The following DLG2 variants were observed in gnomAD, a reference collection of about 807,000 sequenced individuals.
The protein encoded by DLG2 is disks large homolog 2.
In DLG2, 45 loss-of-function variants were observed where a neutral mutation model predicts 132.5. The ratio of observed to expected loss-of-function variants is 0.34; its 90% CI spans 0.27 to 0.44. The LOEUF (loss-of-function observed/expected upper bound fraction) is 0.44. DLG2 is among the 20% of genes least tolerant of loss of function. The pLI, the probability that DLG2 is intolerant of heterozygous loss-of-function variation, is 1.00. For synonymous variants in DLG2, 424 were observed against 419.6 expected (o/e 1.01, Z -0.13); for missense variants, 1,045 against 1,196.9 (o/e 0.87, Z 1.87).
intron 15 of DLG2, among the ~76,000 whole-genome samples, chr11:83,892,417 G>T (rs917949657): frequency 6.6e-6 from 1 of 152,098 alleles, no homozygotes; most frequent in East Asian, 1.9e-4. Flanking sequence ...ATAGCCATTA[G>T]ATTACCAATA....
chr11:84,309,812 C>G (rs925334915), intron 7 of DLG2, among the ~76,000 whole-genome samples: 2 of 152,292 alleles, frequency 1.3e-5, no homozygotes, highest in East Asian at 3.9e-4. Context: ...TGAGATGATG[C>G]TCTTGTACTA....
intron 6 of DLG2, among the ~76,000 whole-genome samples, chr11:84,820,043 T>C (rs1453646674): frequency 1.4e-5 from 2 of 147,338 alleles, no homozygotes; most frequent in Non-Finnish European, 3.0e-5. Flanking sequence ...TCATACTAGA[T>C]GTAGGGCCTC....
rs141956900 is a variant in DLG2, at chr11:85,028,069, G to C, written c.357+83592C>G. Among the ~76,000 whole-genome samples, 295 of 152,292 alleles carry C rather than the reference G, an allele frequency of 1.9e-3. 1 individual carries two copies. The highest frequency in any genetic ancestry group is 2.4e-3 in the Non-Finnish European group (162 of 68,030). Reference sequence around the variant, plus strand: ...ATCAAGAGGCAGAAGAGCCGAAGTGGGTAGCTCCTTTCTGCAGGCAGGTTG... The same window carrying C: ...ATCAAGAGGCAGAAGAGCCGAAGTGCGTAGCTCCTTTCTGCAGGCAGGTTG... On this transcript the variant is annotated intron_variant, in intron 6 of 27. Coordinates refer to ENST00000376104, the MANE Select transcript of DLG2 (RefSeq NM_001142699.3).
In DLG2 at chr11:85,044,095, A is replaced by G. The variant is rs190515562; in HGVS notation, c.357+67566T>C. The stretch of plus-strand genomic sequence containing the variant: ...TCTGGACCTCCATGCACATGCTGTT[A>G]CTTTGCCCCATTCATCTTGTTTCAC... On this transcript the variant is annotated intron_variant, in intron 6 of 27. Coordinates refer to ENST00000376104, the MANE Select transcript of DLG2 (RefSeq NM_001142699.3). 1.1e-3 allele frequency among the ~76,000 whole-genome samples: 162 copies of G among 152,028 alleles called. 1 individual carries two copies. Among genetic ancestry groups the G allele is most frequent in the African/African-American group, 3.8e-3 (157 of 41,498 alleles).
chr11:84,045,913 G>A lies in DLG2; in HGVS notation c.919+13402C>T, dbSNP rs77622290. Among the ~76,000 whole-genome samples the A allele has an allele frequency of 1.4e-3, 213 of 151,580 alleles. 3 individuals carry two copies. The East Asian group carries it at 0.037, about 26-fold the overall frequency. On this transcript the variant is annotated intron_variant, in intron 11 of 27. Coordinates refer to ENST00000376104, the MANE Select transcript of DLG2 (RefSeq NM_001142699.3). ...TTGTGAAGAGTTGTCCGCTGTAGCC[G>A]TAGAAAGCAAAAACAAGATTAATGG...
At chr11:83,644,157 C>T (rs964196547) in intron 18 of DLG2, among the ~76,000 whole-genome samples, 1 of 152,220 alleles carries the variant, frequency 6.6e-6, no homozygotes, top group South Asian at 2.1e-4. Flanking sequence ...TCTTTTGCAG[C>T]ACTCAGCATA....
intron 7 of DLG2, among the ~76,000 whole-genome samples, chr11:84,433,912 T>C (rs1336361468): frequency 1.6e-4 from 25 of 151,722 alleles, no homozygotes; most frequent in Admixed American, 1.1e-3. Context: ...AGCTCAGGAG[T>C]TCGAGACCAC....
intron 3 of DLG2, among the ~76,000 whole-genome samples, chr11:85,369,013 T>A (rs1486276614): frequency 6.6e-6 from 1 of 152,186 alleles, no homozygotes; most frequent in African/African-American, 2.4e-5. Flanking sequence ...TCCTGCAACA[T>A]TTTTGGCACC....
chr11:84,775,413 C>A (rs1354735649), intron 6 of DLG2, among the ~76,000 whole-genome samples: 1 of 152,090 alleles, frequency 6.6e-6, no homozygotes, highest in African/African-American at 2.4e-5. Flanking sequence ...ACCCAGCAGT[C>A]GCATTAGTGG....
Position 85,203,864 on chromosome 11 carries a change from T to C in DLG2, c.187-49213A>G, listed in dbSNP as rs187930732. Among the ~76,000 whole-genome samples, 163 of 152,218 alleles carry C rather than the reference T, an allele frequency of 1.1e-3. 1 individual carries two copies. The highest frequency in any genetic ancestry group is 3.8e-3 in the African/African-American group (157 of 41,570). On this transcript the variant is annotated intron_variant, in intron 4 of 27. Transcript: ENST00000376104. ...AATCAAGTGGGATTTAGTCCAGGGA[T>C]GCACAGATGGTTCAACCTACAAAAA...
intron 3 of DLG2, among the ~76,000 whole-genome samples, chr11:85,550,453 C>T (rs2076598398): frequency 2.0e-5 from 3 of 152,224 alleles, no homozygotes; most frequent in Admixed American, 2.0e-4. Flanking sequence ...CTGCGTGCTC[C>T]CTCCTGCAAG....
chr11:84,633,611 A>AT (rs1038001412), intron 6 of DLG2, among the ~76,000 whole-genome samples: 13 of 146,142 alleles, frequency 8.9e-5, no homozygotes, highest in Non-Finnish European at 1.8e-4. Context: ...TATTATGACT[A>AT]TTTAAAAAAA....
chr11:84,163,045 G>T (rs1162152911), intron 9 of DLG2, among the ~76,000 whole-genome samples: 1 of 152,052 alleles, frequency 6.6e-6, no homozygotes, highest in African/African-American at 2.4e-5. Context: ...GTTTTAAAAT[G>T]CACCACTTGT....
intron 8 of DLG2, among the ~76,000 whole-genome samples, chr11:84,186,806 T>G (rs575953752): frequency 6.6e-5 from 10 of 152,198 alleles, no homozygotes; most frequent in African/African-American, 2.2e-4. Context: ...ACTAGTAGTA[T>G]GTTAAACATT....
chr11:84,049,780 G>A (rs1945804), intron 11 of DLG2, among the ~76,000 whole-genome samples: 132,420 of 151,786 alleles, frequency 0.87, 58,019 homozygotes, highest in Middle Eastern at 0.93. Flanking sequence ...AGAATGAACA[G>A]AAAAGGAAGA....
At chr11:83,914,475 T>C (rs1045846073) in intron 15 of DLG2, among the ~76,000 whole-genome samples, 12 of 152,330 alleles carry the variant, frequency 7.9e-5, no homozygotes, top group African/African-American at 2.9e-4. Flanking sequence ...GATGTTTTTC[T>C]AGATTCCTCC....
At chr11:83,912,646 A>G (rs931685142) in intron 15 of DLG2, among the ~76,000 whole-genome samples, 1 of 152,184 alleles carries the variant, frequency 6.6e-6, no homozygotes, top group Non-Finnish European at 1.5e-5. Context: ...AAATATTTTT[A>G]ACACCAAAAT....
At chr11:85,541,065 T>C (rs1169324043) in intron 3 of DLG2, among the ~76,000 whole-genome samples, 1 of 152,226 alleles carries the variant, frequency 6.6e-6, no homozygotes, top group Non-Finnish European at 1.5e-5. Flanking sequence ...CTCAAATAAA[T>C]TCTTTAGTAT....
At position 83,562,976 on chromosome 11, in the gene DLG2, T is replaced by C. The variant is rs1243378641; in HGVS notation, c.1941-21118A>G. Among the ~76,000 whole-genome samples, 3 of 139,618 alleles carry C rather than the reference T, an allele frequency of 2.1e-5. No homozygotes were observed. In the South Asian group the frequency reaches 7.3e-4, roughly 34 times the overall value. 91.6% of individuals were successfully genotyped at this position (139,618 alleles called of 152,430 possible). A position where few individuals can be genotyped will look rare whatever the true frequency, so the allele number is the denominator to read the frequency against. ...TTTGTTTCCCTAATTCTTTTTTTTT[T>C]TTTTTTTTTTTTTTTTGAGACAGAG... On this transcript the variant is annotated intron_variant, in intron 19 of 27. Coordinates refer to ENST00000376104, the MANE Select transcript of DLG2 (RefSeq NM_001142699.3).
Sources: gnomAD v4.1 joint callset for allele counts (sites outside exome capture counted in the v4.1 genomes callset) on GRCh38, gnomAD v4.1.1 for gene constraint, MANE v1.5 for transcripts, NCBI Gene and HGNC (gene_info 2026-07-23, HGNC 2026-07-21) for gene names.